The following PTK6 variants were observed in gnomAD, a reference collection of about 807,000 sequenced individuals.
The protein encoded by PTK6 is protein-tyrosine kinase 6.
PTK6 carries 47 observed loss-of-function variants against 47.5 expected under a neutral mutation model. The ratio of observed to expected loss-of-function variants is 0.99; its 90% CI spans 0.78 to 1.26. PTK6 has a LOEUF of 1.26. PTK6 is among the 50% of genes most tolerant of loss of function. The pLI is 0.00. For synonymous variants in PTK6, 287 were observed against 276.5 expected (o/e 1.04, Z -0.38); for missense variants, 618 against 625.3 (o/e 0.99, Z 0.12).
At chr20:63,531,413 T>C (rs1468642437) in intron 5 of PTK6, among the ~76,000 whole-genome samples, 2 of 99,030 alleles carry the variant, frequency 2.0e-5, no homozygotes, top group African/African-American at 9.7e-5. Context: ...AGAGCCAGAC[T>C]CCGTCTCAAA....
At position 63,529,384 on chromosome 20, in the gene PTK6, G is replaced by T; in HGVS notation, c.*152C>A. ...GGAGTAAGGAGAGGAGCACACGCGT[G>T]TATTGGACGCAGACACTCCACATTT... is the stretch of plus-strand genomic sequence containing the variant. On this transcript the variant is annotated 3_prime_UTR_variant, in exon 8 of 8. Coordinates refer to ENST00000542869, the MANE Select transcript of PTK6 (RefSeq NM_005975.4). This position sits in a 1 kb window ranked among gnomAD's most constrained non-coding sequence, Gnocchi z 5.6. The T allele has an allele frequency of 1.2e-6, 1 of 833,622 alleles. No individual in the cohort carries two copies. The highest frequency in any genetic ancestry group is 1.8e-6 in the Non-Finnish European group (1 of 565,580). 51.6% of individuals were successfully genotyped at this position (833,622 alleles called of 1,614,324 possible).
In PTK6 at chr20:63,533,626, AC is replaced by A. The variant is rs910240261; in HGVS notation, c.594del (p.Ser199ProfsTer22). On this transcript the variant is annotated frameshift_variant, in exon 4 of 8. Coordinates refer to ENST00000542869, the MANE Select transcript of PTK6 (RefSeq NM_005975.4). LOFTEE classifies it high-confidence loss of function. The surrounding 1 kb of genome is among the most constrained non-coding windows in gnomAD (Gnocchi z 4.0). ...TCGAAGACCTCCCCAAAGTAGCCGG[AC>A]CCCAGCTTCCTGCAGAGCGTGAACT... ...REEFTLCRKLGSGYFGEVFEG... is the reference protein window; with the variant it reads ...REEFTLCRKLXSGYFGEVFEG... 1 of 1,613,404 alleles carries A rather than the reference AC, an allele frequency of 6.2e-7. No homozygotes were observed. Among genetic ancestry groups the A allele is most frequent in the Non-Finnish European group, 8.5e-7 (1 of 1,179,862 alleles).
chr20:63,532,360 CGT>C (rs768737616), intron 5 of PTK6, among the ~76,000 whole-genome samples, 164 bp downstream of exon 5: 28 of 109,334 alleles, frequency 2.6e-4, no homozygotes, highest in Non-Finnish European at 4.4e-4. Flanking sequence ...TGTGTCTGTG[CGT>C]GTGTGTCTCT....
In PTK6 at chr20:63,530,021, C is replaced by T; in HGVS notation, c.1168+57G>A. On this transcript the variant is annotated intron_variant, in intron 7 of 7. Coordinates refer to ENST00000542869, the MANE Select transcript of PTK6 (RefSeq NM_005975.4). The surrounding 1 kb of genome is among the most constrained non-coding windows in gnomAD (Gnocchi z 4.1). ...CACCCCCCAGCGTCCCTGCCGGCTA[C>T]CCAGGACCTCCCCCACTCTGCCTCT... 6.3e-7 allele frequency: 1 copy of T among 1,595,730 alleles called. No homozygotes were observed. Among genetic ancestry groups the T allele is most frequent in the South Asian group, 1.1e-5 (1 of 90,490 alleles).
chr20:63,535,841 C>CGT, intron 1 of PTK6, among the ~76,000 whole-genome samples: 1 of 39,704 alleles, frequency 2.5e-5, no homozygotes, highest in African/African-American at 1.6e-4. Context: ...CCCGCCCCCC[C>CGT]CCTCACCTGG....
rs1023456255 is a variant in PTK6 at position 63,530,314 on chromosome 20, T to C, written c.1015-83A>G. The C allele has an allele frequency of 1.9e-5, 29 of 1,544,636 alleles. No individual in the cohort carries two copies. The African/African-American group carries it at 3.4e-4, about 18-fold the overall frequency. ...GCATGGACGGGCACAGCGGCCGCAT[T>C]GCCCCAGCAGTGGGACGGTGATGAC... is the stretch of plus-strand genomic sequence containing the variant. On this transcript the variant is annotated intron_variant, in intron 6 of 7. Transcript: ENST00000542869. The surrounding 1 kb of genome is among the most constrained non-coding windows in gnomAD (Gnocchi z 4.1).
In PTK6 at chr20:63,530,699, G is replaced by T; in HGVS notation, c.1014+47C>A. 1 of 1,596,042 alleles carries T rather than the reference G, an allele frequency of 6.3e-7. No individual in the cohort carries two copies. Among genetic ancestry groups the T allele is most frequent in the Non-Finnish European group, 8.5e-7 (1 of 1,169,610 alleles). ...ACACACAGGAAGCCCCCAGCCCTCCGGCCACGCCCCGGCCACGACCCCAGC... is the reference window on the plus strand; with the variant it reads ...ACACACAGGAAGCCCCCAGCCCTCCTGCCACGCCCCGGCCACGACCCCAGC... On this transcript the variant is annotated intron_variant, in intron 6 of 7. Transcript: ENST00000542869. The surrounding 1 kb of genome is among the most constrained non-coding windows in gnomAD (Gnocchi z 4.1).
In PTK6 at chr20:63,534,949, T is replaced by A. The variant is rs570467678; in HGVS notation, c.341A>T (p.Tyr114Phe). 5 of 1,603,460 alleles carry A rather than the reference T, an allele frequency of 3.1e-6. No individual in the cohort carries two copies. The East Asian group carries it at 6.7e-5, about 22-fold the overall frequency. ...GGCCGGGGCCGCACCCGACAGGACG[T>A]AGTCGGCACTCGGCTTCTCGCTGAC... is the stretch of plus-strand genomic sequence containing the variant. ...IRVSEKPSAD[Y>F]VLSVRDTQAV... Residue 114 changes from tyrosine to phenylalanine, a missense_variant, in exon 2 of 8, where the codon TAC becomes TTC. Coordinates refer to ENST00000542869, the MANE Select transcript of PTK6 (RefSeq NM_005975.4).
In PTK6 at chr20:63,528,733, A is replaced by G. The variant is rs1387011894; in HGVS notation, c.*803T>C. On this transcript the variant is annotated 3_prime_UTR_variant, in exon 8 of 8. Coordinates refer to ENST00000542869, the MANE Select transcript of PTK6 (RefSeq NM_005975.4). ...CCGCCTATTCTTCTTTTAAACCAAA[A>G]AAACTTTCAGGTGAGTCAAAACCAA... 1.3e-5 allele frequency: 2 copies of G among 152,218 alleles called. No individual in the cohort carries two copies. The highest frequency in any genetic ancestry group is 2.9e-5 in the Non-Finnish European group (2 of 68,040). The allele number at this position is 152,218 out of a possible 1,614,324, so 9.4% of individuals were successfully genotyped here.
rs2082607535 is a variant in PTK6, at chr20:63,530,256, G to A, written c.1015-25C>T. 2 of 1,610,392 alleles carry A rather than the reference G, an allele frequency of 1.2e-6. No individual in the cohort carries two copies. Among genetic ancestry groups the A allele is most frequent in the South Asian group, 2.2e-5 (2 of 91,014 alleles). On this transcript the variant is annotated intron_variant, in intron 6 of 7. Coordinates refer to ENST00000542869, the MANE Select transcript of PTK6 (RefSeq NM_005975.4). The surrounding 1 kb of genome is among the most constrained non-coding windows in gnomAD (Gnocchi z 4.1). The stretch of plus-strand genomic sequence containing the variant: ...CCTGCAATCAGCCTGGAGCTGAGTG[G>A]GCCGTGGGGGCTGCCTGTGCCCTGC...
rs1172845452 is a variant in PTK6 at position 63,532,163 on chromosome 20, GTGTGTGTGTGTGTC to G, written c.832+349_832+362del. Among the ~76,000 whole-genome samples, 25 of 138,940 alleles carry G rather than the reference GTGTGTGTGTGTGTC, an allele frequency of 1.8e-4. 1 individual carries two copies. In the South Asian group the frequency reaches 5.2e-3, roughly 29 times the overall value. 91.2% of individuals were successfully genotyped at this position (138,940 alleles called of 152,430 possible). ...TGTGTGTCTGGATCAGTGTGTGTCT[GTGTGTGTGTGTGTC>G]TGTGTGTGTCCGTGTGATCTGTGTG... On this transcript the variant is annotated intron_variant, in intron 5 of 7. Transcript: ENST00000542869.
chr20:63,533,580 AC>A lies in PTK6; in HGVS notation c.640del (p.Val214SerfsTer7). 6.2e-7 allele frequency: 1 copy of A among 1,612,844 alleles called. No individual in the cohort carries two copies. Among genetic ancestry groups the A allele is most frequent in the South Asian group, 1.1e-5 (1 of 90,838 alleles). ...EVFEGLWKDR[V>X]QVAIKVISRD... ...AGAAATCACCTTAATGGCCACCTGGACCCGGTCTTTCCAGAGCCCCTCGAAG... is the reference window on the plus strand; with the variant it reads ...AGAAATCACCTTAATGGCCACCTGGACCGGTCTTTCCAGAGCCCCTCGAAG... On this transcript the variant is annotated frameshift_variant, in exon 4 of 8. Coordinates refer to ENST00000542869, the MANE Select transcript of PTK6 (RefSeq NM_005975.4). LOFTEE classifies it high-confidence loss of function. The surrounding 1 kb of genome is among the most constrained non-coding windows in gnomAD (Gnocchi z 4.0).
intron 2 of PTK6, among the ~76,000 whole-genome samples, chr20:63,534,552 A>G (rs1227036245): frequency 6.6e-6 from 1 of 152,124 alleles, no homozygotes; most frequent in Non-Finnish European, 1.5e-5. Flanking sequence ...CTCCGCCTGG[A>G]TGGCAGCTGC....
rs1054117445 is a variant in PTK6, at chr20:63,533,109, C to T, written c.671-422G>A. 3.3e-5 allele frequency among the ~76,000 whole-genome samples: 5 copies of T among 151,778 alleles called. No homozygotes were observed. The highest frequency in any genetic ancestry group is 9.7e-5 in the African/African-American group (4 of 41,216). On this transcript the variant is annotated intron_variant, in intron 4 of 7. Transcript: ENST00000542869. This position sits in a 1 kb window ranked among gnomAD's most constrained non-coding sequence, Gnocchi z 4.0. ...CCAAGACGGGGTCTTGCTCTGTCGC[C>T]CAGGCTGGAGTGCAATGGCGCGATC...
rs2082612693 is a variant in PTK6, at chr20:63,530,850, C to G, written c.910G>C (p.Glu304Gln). 6.2e-7 allele frequency: 1 copy of G among 1,613,924 alleles called. No individual in the cohort carries two copies. The highest frequency in any genetic ancestry group is 8.5e-7 in the Non-Finnish European group (1 of 1,180,010). Residue 304 changes from glutamate to glutamine, a missense_variant, in exon 6 of 8, where the codon GAG becomes CAG. Physicochemically the swap from Glu to Gln is conservative, Grantham distance 29. Transcript: ENST00000542869. This position sits in a 1 kb window ranked among gnomAD's most constrained non-coding sequence, Gnocchi z 4.1. ...WQVAEGMCYLESQNYIHRDLA... is the reference protein window; with the variant it reads ...WQVAEGMCYLQSQNYIHRDLA... ...TCCCGGTGGATGTAATTCTGCGACT[C>G]CAGGTAACACATGCCCTCAGCCACC...
In PTK6 at chr20:63,535,070, G is replaced by A. The variant is rs777210647; in HGVS notation, c.231-11C>T. 41 of 1,589,800 alleles carry A rather than the reference G, an allele frequency of 2.6e-5. No individual in the cohort carries two copies. The highest frequency in any genetic ancestry group is 3.1e-5 in the Non-Finnish European group (36 of 1,162,760). On this transcript the variant is annotated splice_polypyrimidine_tract_variant and intron_variant, in intron 1 of 7. Coordinates refer to ENST00000542869, the MANE Select transcript of PTK6 (RefSeq NM_005975.4). Reference sequence around the variant, plus strand: ...CAGCCAAAGAACCACCTGCAGGGGAGGAGTCTGAGAACACGCGGACCTGGG... The same window carrying A: ...CAGCCAAAGAACCACCTGCAGGGGAAGAGTCTGAGAACACGCGGACCTGGG...
In PTK6 at chr20:63,530,675, C is replaced by T. The variant is rs2082611119; in HGVS notation, c.1014+71G>A. On this transcript the variant is annotated intron_variant, in intron 6 of 7. Transcript: ENST00000542869. This position sits in a 1 kb window ranked among gnomAD's most constrained non-coding sequence, Gnocchi z 4.1. ...GCTCCCAGCCGAGTCCCCAGCTCCA[C>T]ACACAGGAAGCCCCCAGCCCTCCGG... 5 of 1,541,046 alleles carry T rather than the reference C, an allele frequency of 3.2e-6. No individual in the cohort carries two copies. The highest frequency in any genetic ancestry group is 4.4e-6 in the Non-Finnish European group (5 of 1,132,056).
In PTK6 at chr20:63,532,555, GC is replaced by G. The variant is rs760938270; in HGVS notation, c.802del (p.Ala268ProfsTer66). 4 of 1,613,300 alleles carry G rather than the reference GC, an allele frequency of 2.5e-6. No homozygotes were observed. Among genetic ancestry groups the G allele is most frequent in the Non-Finnish European group, 3.4e-6 (4 of 1,179,492 alleles). On this transcript the variant is annotated frameshift_variant, in exon 5 of 8. Coordinates refer to ENST00000542869, the MANE Select transcript of PTK6 (RefSeq NM_005975.4). LOFTEE classifies it high-confidence loss of function. ...GAGCAGCTCCAGCAGGCTGCCCTTG[GC>G]CATGAGCTCCGTGATGATGTACACG... is the stretch of plus-strand genomic sequence containing the variant. ...DPVYIITELM[A>X]KGSLLELLRD...
In PTK6 at chr20:63,530,138, C is replaced by T. The variant is rs200554407; in HGVS notation, c.1108G>A (p.Val370Ile). The change falls in exon 7 of 8, where the codon GTC becomes ATC. Residue 370 changes from valine to isoleucine, a missense_variant. Val to Ile is a conservative substitution (Grantham distance 29). Coordinates refer to ENST00000542869, the MANE Select transcript of PTK6 (RefSeq NM_005975.4). This position sits in a 1 kb window ranked among gnomAD's most constrained non-coding sequence, Gnocchi z 4.1. ...TGCAGGAGAATCCCAAAGGACCAGA[C>T]GTCGGATTTGGTGGAGTAATGGCCT... ...SRGHYSTKSD[V>I]WSFGILLHEM... is the part of the protein sequence containing the mutation. The T allele has an allele frequency of 1.9e-5, 31 of 1,614,074 alleles. No individual in the cohort carries two copies. Among genetic ancestry groups the T allele is most frequent in the Middle Eastern group, 1.6e-4 (1 of 6,062 alleles).
Sources: gnomAD v4.1 joint callset for allele counts (sites outside exome capture counted in the v4.1 genomes callset) on GRCh38, gnomAD v4.1.1 for gene constraint, Gnocchi (gnomAD v3.1) non-coding constraint, MANE v1.5 for transcripts, NCBI Gene and HGNC (gene_info 2026-07-23, HGNC 2026-07-21) for gene names.